The following IL1RAPL1 variants were observed in gnomAD, a reference collection of about 807,000 sequenced individuals.
The protein encoded by IL1RAPL1 is interleukin 1 receptor accessory protein like 1, also known as interleukin-1 receptor accessory protein-like 1.
In IL1RAPL1, 3 loss-of-function variants were observed where a neutral mutation model predicts 48.4. The observed-to-expected ratio is 0.06, with a 90% CI of 0.03 to 0.16. The LOEUF is 0.16. Ranked by LOEUF, IL1RAPL1 falls within the 10% of genes least tolerant of loss-of-function variation. The pLI, the probability that IL1RAPL1 is intolerant of heterozygous loss-of-function variation, is 1.00. For missense variants in IL1RAPL1, 349 were observed against 530.6 expected, an observed-to-expected ratio of 0.66 and a Z score of 3.36; for synonymous variants, 185 against 187.7, an observed-to-expected ratio of 0.99 and a Z score of 0.12.
intron 5 of IL1RAPL1, among the ~76,000 whole-genome samples, chrX:29,419,610 C>T (rs1167273459): frequency 4.5e-5 from 5 of 111,906 alleles, no homozygotes; most frequent in African/African-American, 6.5e-5. Flanking sequence ...CATGAGCCAC[C>T]GTGCCCGGCC....
rs1292857091 is a variant in IL1RAPL1 at position 28,865,146 on chromosome X, C to A, written c.82+75721C>A. Among the ~76,000 whole-genome samples, 33 of 111,724 alleles carry A rather than the reference C, an allele frequency of 3.0e-4. 1 individual carries two copies. The Admixed American group carries it at 3.1e-3, about 11-fold the overall frequency. The stretch of plus-strand genomic sequence containing the variant: ...ATGTTGACAGGGAGTTGTTAAGAAT[C>A]ACAAGTTCAGGCCAGATGCAGTGGC... On this transcript the variant is annotated intron_variant, in intron 2 of 10. Transcript: ENST00000378993.
chrX:29,865,589 TGCATTGG>T (rs1931671324), intron 6 of IL1RAPL1, among the ~76,000 whole-genome samples: 1 of 109,311 alleles, frequency 9.1e-6, no homozygotes, highest in Non-Finnish European at 1.9e-5. Context: ...TGCCTGTGGT[TGCATTGG>T]GCTCATTTCT....
chrX:29,058,537 T>A (rs1471634462), intron 2 of IL1RAPL1, among the ~76,000 whole-genome samples: 6 of 112,308 alleles, frequency 5.3e-5, no homozygotes, highest in Non-Finnish European at 1.1e-4. Flanking sequence ...CTTTGTGTTT[T>A]ATATTTAGTA....
At chrX:28,975,350 T>G (rs1279920377) in intron 2 of IL1RAPL1, among the ~76,000 whole-genome samples, 1 of 112,095 alleles carries the variant, frequency 8.9e-6, no homozygotes, top group Non-Finnish European at 1.9e-5. Flanking sequence ...ACTCTGTAGA[T>G]TGAACATTTT....
At chrX:29,781,472 A>G (rs773982010) in intron 6 of IL1RAPL1, among the ~76,000 whole-genome samples, 39 of 112,185 alleles carry the variant, frequency 3.5e-4, no homozygotes, top group African/African-American at 1.2e-3. Flanking sequence ...TAATTCCTAA[A>G]TAAATCATAT....
intron 1 of IL1RAPL1, among the ~76,000 whole-genome samples, chrX:28,737,177 C>CTTTCTTT (rs1569161850): frequency 1.9e-4 from 14 of 72,463 alleles, no homozygotes; most frequent in African/African-American, 8.1e-4. Context: ...TTCCTTCCTT[C>CTTTCTTT]CTTTCTTTCC....
intron 2 of IL1RAPL1, among the ~76,000 whole-genome samples, chrX:28,923,885 C>G (rs1002464243): frequency 2.7e-5 from 3 of 111,689 alleles, no homozygotes; most frequent in Non-Finnish European, 5.6e-5. Context: ...ATCTTCAAAG[C>G]ATGTAATAAG....
At chrX:28,936,495 G>A (rs969397019) in intron 2 of IL1RAPL1, among the ~76,000 whole-genome samples, 1 of 110,692 alleles carries the variant, frequency 9.0e-6, no homozygotes, top group Non-Finnish European at 1.9e-5. Context: ...GGGCAACAAA[G>A]TGACACCCTA....
chrX:29,883,325 T>C (rs1932067651), intron 6 of IL1RAPL1, among the ~76,000 whole-genome samples: 1 of 110,975 alleles, frequency 9.0e-6, no homozygotes, highest in Non-Finnish European at 1.9e-5. Context: ...GCTATGGAGC[T>C]GTCAGCATTT....
intron 5 of IL1RAPL1, among the ~76,000 whole-genome samples, chrX:29,562,110 TATCTA>T (rs1569339353): frequency 3.3e-3 from 205 of 61,675 alleles, no homozygotes; most frequent in African/African-American, 0.015. Context: ...TCTATCTATC[TATCTA>T]ATCTATCTAT....
chrX:29,615,560 CTAAG>C (rs754976936), intron 5 of IL1RAPL1, among the ~76,000 whole-genome samples: 12 of 111,085 alleles, frequency 1.1e-4, no homozygotes, highest in Non-Finnish European at 1.9e-4. Flanking sequence ...TCTTGGGAAA[CTAAG>C]TGAGGGCAAA....
intron 2 of IL1RAPL1, among the ~76,000 whole-genome samples, chrX:28,838,228 C>T (rs929495715): frequency 3.6e-5 from 4 of 111,250 alleles, no homozygotes; most frequent in Non-Finnish European, 7.6e-5. Context: ...TTTGAGAGTT[C>T]TAGAATCTGA....
chrX:29,345,373 A>C (rs903997498), intron 3 of IL1RAPL1, among the ~76,000 whole-genome samples: 1 of 111,812 alleles, frequency 8.9e-6, no homozygotes, highest in African/African-American at 3.2e-5. Context: ...TGTAATATGC[A>C]TTTCTCTGAT....
At chrX:28,729,418 A>G (rs1290610082) in intron 1 of IL1RAPL1, among the ~76,000 whole-genome samples, 1 of 111,463 alleles carries the variant, frequency 9.0e-6, no homozygotes, top group African/African-American at 3.3e-5. Flanking sequence ...TATCCAGAGG[A>G]AAGCATAGAA....
intron 2 of IL1RAPL1, among the ~76,000 whole-genome samples, chrX:28,953,368 A>T (rs1383624649): frequency 9.0e-6 from 1 of 111,686 alleles, no homozygotes. Context: ...TTAAGCTAAC[A>T]TTAAGATGAC....
At chrX:28,644,646 T>C (rs1385078650) in intron 1 of IL1RAPL1, among the ~76,000 whole-genome samples, 1 of 111,533 alleles carries the variant, frequency 9.0e-6, no homozygotes, top group Non-Finnish European at 1.9e-5. Flanking sequence ...TAATAAGCTC[T>C]ACTATACTTT....
At chrX:29,299,422 A>T (rs1322456961) in intron 3 of IL1RAPL1, among the ~76,000 whole-genome samples, 1 of 111,680 alleles carries the variant, frequency 9.0e-6, no homozygotes, top group African/African-American at 3.3e-5. Flanking sequence ...ATCATATTCC[A>T]TTTATACAAT....
intron 6 of IL1RAPL1, among the ~76,000 whole-genome samples, chrX:29,868,608 C>T (rs1931743475): frequency 8.9e-6 from 1 of 112,316 alleles, no homozygotes; most frequent in South Asian, 3.6e-4. Flanking sequence ...ATATACAAAT[C>T]AGCTAACAAA....
chrX:29,506,728 TG>T (rs1192389266), intron 5 of IL1RAPL1, among the ~76,000 whole-genome samples: 2 of 110,071 alleles, frequency 1.8e-5, no homozygotes, highest in Non-Finnish European at 3.8e-5. Flanking sequence ...TTTTTTTTTT[TG>T]CTGAGTTACA....
Sources: allele counts gnomAD v4.1 joint callset (sites outside exome capture counted in the v4.1 genomes callset), GRCh38; gene constraint gnomAD v4.1.1; transcripts MANE v1.5; gene names NCBI Gene and HGNC (gene_info 2026-07-23, HGNC 2026-07-21).